The following ST6GALNAC2 variants were observed in gnomAD, a reference collection of about 807,000 sequenced individuals.
The protein encoded by ST6GALNAC2 is alpha-N-acetylgalactosaminide alpha-2,6-sialyltransferase 2.
ST6GALNAC2 carries 42 observed loss-of-function variants against 38.7 expected under a neutral mutation model. The observed-to-expected ratio is 1.09, with a 90% CI of 0.85 to 1.40. The LOEUF is 1.40. ST6GALNAC2 is among the 40% of genes most tolerant of loss of function. The probability of loss-of-function intolerance (pLI) is 0.00; values close to 1 mark genes in which losing one functional copy is unlikely to be tolerated. For synonymous variants in ST6GALNAC2, 233 were observed against 209.0 expected, an observed-to-expected ratio of 1.11 and a Z score of -0.99; for missense variants, 506 against 481.7, an observed-to-expected ratio of 1.05 and a Z score of -0.47.
chr17:76,583,274 G>A (rs2075500766), intron 1 of ST6GALNAC2, among the ~76,000 whole-genome samples: 1 of 151,032 alleles, frequency 6.6e-6, no homozygotes, highest in South Asian at 2.1e-4. Context: ...TACTCGGGAG[G>A]CTGAGGTAGG....
Position 76,572,544 on chromosome 17 carries a change from C to T in ST6GALNAC2, c.669+93G>A, listed in dbSNP as rs115654412. The T allele has an allele frequency of 1.4e-3, 2,121 of 1,464,134 alleles. 25 individuals carry two copies. The African/African-American group carries it at 0.026, about 18-fold the overall frequency. The allele number at this position is 1,464,134 out of a possible 1,614,324, so 90.7% of individuals were successfully genotyped here. A position where few individuals can be genotyped will look rare whatever the true frequency, so the allele number is the denominator to read the frequency against. On this transcript the variant is annotated intron_variant, in intron 5 of 8. Coordinates refer to ENST00000225276, the MANE Select transcript of ST6GALNAC2 (RefSeq NM_006456.3). The stretch of plus-strand genomic sequence containing the variant: ...GGCACCCCCTCAGCATCCACTGGAC[C>T]AGGGTGTGTGAGCCCTGTGGCCCCC...
intron 8 of ST6GALNAC2, among the ~76,000 whole-genome samples, chr17:76,567,196 G>C (rs1369797233): frequency 6.6e-6 from 1 of 152,114 alleles, no homozygotes; most frequent in South Asian, 2.1e-4. Flanking sequence ...AGGAAGCCTG[G>C]GGCAGGTGTC....
chr17:76,582,601 G>A (rs952627016), intron 1 of ST6GALNAC2, among the ~76,000 whole-genome samples: 9 of 152,148 alleles, frequency 5.9e-5, no homozygotes, highest in Non-Finnish European at 8.8e-5. Context: ...TAATAGAAAT[G>A]CCCATGTGGG....
At chr17:76,585,098 C>T (rs2075529085) in intron 1 of ST6GALNAC2, among the ~76,000 whole-genome samples, 1 of 152,222 alleles carries the variant, frequency 6.6e-6, no homozygotes, top group South Asian at 2.1e-4. Flanking sequence ...CCCTCTTTCC[C>T]TCGGGCGCCC....
Position 76,585,709 on chromosome 17 carries a change from A to G in ST6GALNAC2, c.100T>C (p.Tyr34His). Residue 34 changes from tyrosine (Y) to histidine (H), a missense_variant, in exon 1 of 9, where the codon TAC (tyrosine) becomes CAC (histidine). Coordinates refer to ENST00000225276, the MANE Select transcript of ST6GALNAC2 (RefSeq NM_006456.3). Reference protein sequence around the residue: ...FALYFSAVQRYPGPAAGARDT... With the variant: ...FALYFSAVQRHPGPAAGARDT... ...CTGGCTCCGGCCGCTGGCCCCGGGT[A>G]CCGCTGCACCGCCGAGAAGTACAGG... 6.5e-7 allele frequency: 1 copy of G among 1,530,538 alleles called. No individual in the cohort carries two copies. The highest frequency in any genetic ancestry group is 1.4e-5 in the African/African-American group (1 of 70,772). 94.8% of individuals were successfully genotyped at this position (1,530,538 alleles called of 1,614,324 possible).
At chr17:76,577,235 T>G in intron 2 of ST6GALNAC2, among the ~76,000 whole-genome samples, 1 of 151,032 alleles carries the variant, frequency 6.6e-6, no homozygotes, top group Non-Finnish European at 1.5e-5. Context: ...CCTGGCTAAT[T>G]TTTTGTATTT....
chr17:76,577,360 C>T (rs34234732), intron 2 of ST6GALNAC2, among the ~76,000 whole-genome samples: 15,417 of 151,910 alleles, frequency 0.1, 907 homozygotes, highest in Middle Eastern at 0.15. Context: ...TGAGCCACTG[C>T]GCCTGGCCGT....
intron 5 of ST6GALNAC2, 148 bp from the exon 6 acceptor site, chr17:76,570,816 G>A: frequency 1.6e-6 from 1 of 641,180 alleles, no homozygotes; most frequent in Non-Finnish European, 2.8e-6. Context: ...GTGCTGTACT[G>A]GTTTCAGTGT....
Position 76,573,176 on chromosome 17 carries a change from C to T in ST6GALNAC2, c.530+19G>A. 1 of 1,600,776 alleles carries T rather than the reference C, an allele frequency of 6.2e-7. No homozygotes were observed. The highest frequency in any genetic ancestry group is 8.5e-7 in the Non-Finnish European group (1 of 1,172,894). On this transcript the variant is annotated intron_variant, in intron 4 of 8. Coordinates refer to ENST00000225276, the MANE Select transcript of ST6GALNAC2 (RefSeq NM_006456.3). The surrounding 1 kb of genome is among the most constrained non-coding windows in gnomAD (Gnocchi z 5.1). ...GGCAACTCTCCCTCCCGCCCCTCCC[C>T]AGCTCCTACCCCTCATACCTGAATA...
At chr17:76,574,138 AGGCCCACTGGCG>A (rs147503541) in intron 3 of ST6GALNAC2, among the ~76,000 whole-genome samples, 1 of 152,208 alleles carries the variant, frequency 6.6e-6, no homozygotes, top group African/African-American at 2.4e-5. Context: ...CAGGATGGTG[AGGCCCACTGGCG>A]GGGGCAGCCC....
intron 3 of ST6GALNAC2, among the ~76,000 whole-genome samples, chr17:76,574,163 T>C (rs2304923): frequency 0.76 from 114,867 of 151,990 alleles, 43,568 homozygotes; most frequent in East Asian, 0.81. Flanking sequence ...GGCAGCCCCA[T>C]GACTCTCACT....
intron 1 of ST6GALNAC2, among the ~76,000 whole-genome samples, chr17:76,585,034 G>A (rs942122694): frequency 6.6e-6 from 1 of 152,272 alleles, no homozygotes; most frequent in African/African-American, 2.4e-5. Context: ...GGAGGAGGGA[G>A]TGGAGCGCAG....
intron 2 of ST6GALNAC2, 83 bp from the exon 3 acceptor site, chr17:76,574,622 C>G (rs572835570): frequency 1.6e-6 from 2 of 1,256,114 alleles, no homozygotes; most frequent in Non-Finnish European, 1.1e-6. Context: ...AGGGGAGTTG[C>G]GAGTTGTGAG....
At position 76,578,713 on chromosome 17, in the gene ST6GALNAC2, T is replaced by A. The variant is rs758044909; in HGVS notation, c.186+43A>T. The A allele has an allele frequency of 3.2e-5, 50 of 1,577,374 alleles. No individual in the cohort carries two copies. In the South Asian group the frequency reaches 5.6e-4, roughly 18 times the overall value. On this transcript the variant is annotated intron_variant, in intron 2 of 8. Transcript: ENST00000225276. The stretch of plus-strand genomic sequence containing the variant: ...CTCTTCTTCCCTCCTCCCCACTAAT[T>A]TGAGGGTGCTCAAAACTGCCACAGG...
chr17:76,570,587 CAG>C lies in ST6GALNAC2; in HGVS notation c.749_750del (p.Pro250ArgfsTer5). The C allele has an allele frequency of 6.2e-7, 1 of 1,612,716 alleles. No individual in the cohort carries two copies. Among genetic ancestry groups the C allele is most frequent in the Non-Finnish European group, 8.5e-7 (1 of 1,179,474 alleles). Reference sequence around the variant, plus strand: ...CACCTGTCCCCTTTATCTAGGCCCTCAGGGACAGGCACGCCCAGAATGGCCGA... The same window carrying C: ...CACCTGTCCCCTTTATCTAGGCCCTCGGACAGGCACGCCCAGAATGGCCGA... ...LRSAILGVPVPEGLDKGDRPH... is the reference protein window; with the variant it reads ...LRSAILGVPVXEGLDKGDRPH... On this transcript the variant is annotated frameshift_variant, in exon 6 of 9. Coordinates refer to ENST00000225276, the MANE Select transcript of ST6GALNAC2 (RefSeq NM_006456.3). LOFTEE classifies it high-confidence loss of function.
At position 76,573,518 on chromosome 17, in the gene ST6GALNAC2, G is replaced by T. The variant is rs543013596; in HGVS notation, c.362-155C>A. On this transcript the variant is annotated intron_variant, in intron 3 of 8. Coordinates refer to ENST00000225276, the MANE Select transcript of ST6GALNAC2 (RefSeq NM_006456.3). This position sits in a 1 kb window ranked among gnomAD's most constrained non-coding sequence, Gnocchi z 5.1. ...GGTGGGAGGGGAAGGAGATGTCTGT[G>T]GGGGGAGAATTGAAAAGCTGACAGT... Among the ~76,000 whole-genome samples, 24 of 152,286 alleles carry T rather than the reference G, an allele frequency of 1.6e-4. No individual in the cohort carries two copies. Among genetic ancestry groups the T allele is most frequent in the African/African-American group, 4.6e-4 (19 of 41,560 alleles).
At chr17:76,578,670 TGA>T (rs2075443900) in intron 2 of ST6GALNAC2, 84 bp downstream of exon 2, 2 of 1,295,354 alleles carry the variant, frequency 1.5e-6, no homozygotes, top group East Asian at 2.4e-5. Flanking sequence ...AGCAATCTCA[TGA>T]GAGTGTTCTC....
chr17:76,583,990 A>G (rs1173187296), intron 1 of ST6GALNAC2, among the ~76,000 whole-genome samples: 5 of 105,674 alleles, frequency 4.7e-5, no homozygotes, highest in South Asian at 3.3e-4. Context: ...TGTATTTTTT[A>G]GTAGAGACGG....
chr17:76,572,986 G>A (rs72869500), intron 4 of ST6GALNAC2, among the ~76,000 whole-genome samples: 2,390 of 152,240 alleles, frequency 0.016, 27 homozygotes, highest in African/African-American at 0.019. Flanking sequence ...TGGCCCTGGC[G>A]GCTGCTTCCT....
Sources: gnomAD v4.1 joint callset for allele counts (sites outside exome capture counted in the v4.1 genomes callset) on GRCh38, gnomAD v4.1.1 for gene constraint, Gnocchi (gnomAD v3.1) non-coding constraint, MANE v1.5 for transcripts, NCBI Gene and HGNC (gene_info 2026-07-23, HGNC 2026-07-21) for gene names.